The following INTS6 variants were observed in gnomAD, a reference collection of about 807,000 sequenced individuals.
INTS6 encodes the protein integrator complex subunit 6.
Under a neutral mutation model 104.9 loss-of-function variants are expected in INTS6, and 16 were observed. The observed-to-expected ratio is 0.15, with a 90% CI of 0.10 to 0.23. The LOEUF (loss-of-function observed/expected upper bound fraction) is 0.23. Among genes scored for constraint, INTS6 ranks in the 10% least tolerant of loss-of-function variants. The pLI is 1.00. For missense variants in INTS6, 584 were observed against 1,062.8 expected (o/e 0.55, Z 6.26); for synonymous variants, 324 against 358.7 (o/e 0.90, Z 1.09).
At chr13:51,398,204 G>A (rs1208902939) in intron 4 of INTS6, among the ~76,000 whole-genome samples, 1 of 152,018 alleles carries the variant, frequency 6.6e-6, no homozygotes, top group East Asian at 1.9e-4. Flanking sequence ...AATCTCAGGA[G>A]GATTGACTTA....
chr13:51,342,484 A>G, the INTS6 span, among the ~76,000 whole-genome samples: 1 of 152,240 alleles, frequency 6.6e-6, no homozygotes, highest in African/African-American at 2.4e-5. Flanking sequence ...GAACACAGTC[A>G]ACCTCCGGCA....
Position 51,452,384 on chromosome 13 carries a change from G to T in INTS6, c.111+31C>A, listed in dbSNP as rs771070928. 8.9e-5 allele frequency: 136 copies of T among 1,527,524 alleles called. No individual in the cohort carries two copies. The highest frequency in any genetic ancestry group is 1.1e-4 in the Non-Finnish European group (130 of 1,137,418). 94.6% of individuals were successfully genotyped at this position (1,527,524 alleles called of 1,614,324 possible). ...CTGCCGCCCGCGGGCCGCCGGGCCG[G>T]GGTCGCCGCCCGGGCTCGGTCAGTC... On this transcript the variant is annotated intron_variant, in intron 1 of 17. Transcript: ENST00000311234. The surrounding 1 kb of genome is among the most constrained non-coding windows in gnomAD (Gnocchi z 4.2).
At chr13:51,418,001 CCTTA>C (rs1266975793) in intron 4 of INTS6, among the ~76,000 whole-genome samples, 2 of 152,124 alleles carry the variant, frequency 1.3e-5, no homozygotes, top group Admixed American at 6.5e-5. Flanking sequence ...TAGAAATCAG[CCTTA>C]CTAAGACATT....
the INTS6 span, chr13:51,339,752 G>A: frequency 6.6e-6 from 1 of 152,250 alleles, no homozygotes; most frequent in Admixed American, 6.5e-5. Context: ...CTGTGAGTAC[G>A]TGGCTCATTC....
rs1247942886 is a variant in INTS6, at chr13:51,374,252, G to A, written c.2060C>T (p.Thr687Ile). 6.2e-7 allele frequency: 1 copy of A among 1,614,052 alleles called. No individual in the cohort carries two copies. The highest frequency in any genetic ancestry group is 1.7e-5 in the Admixed American group (1 of 60,028). Reference protein sequence around the residue: ...IGGKGPPAPTTQAQPDLIKPL... With the variant: ...IGGKGPPAPTIQAQPDLIKPL... ...TTTAATAAGATCTGGCTGTGCTTGA[G>A]TTGTAGGTGCAGGTGGTCCTTTTCC... Residue 687 changes from threonine (T) to isoleucine (I), a missense_variant, in exon 15 of 18, where the codon ACT becomes ATT. Around this residue, in one of 5 missense-constraint regions of INTS6, gnomAD observed 296 missense variants for 437.0 expected, o/e 0.68. Transcript: ENST00000311234.
At chr13:51,427,724 T>A (rs548370905) in intron 4 of INTS6, among the ~76,000 whole-genome samples, 1 of 152,280 alleles carries the variant, frequency 6.6e-6, no homozygotes, top group East Asian at 1.9e-4. Context: ...GCAACGGTAA[T>A]CAATTTTGAA....
chr13:51,407,732 A>G (rs1025682960), intron 4 of INTS6, among the ~76,000 whole-genome samples: 9 of 152,166 alleles, frequency 5.9e-5, no homozygotes, highest in Admixed American at 1.3e-4. Flanking sequence ...TACATACACC[A>G]TAAGAGTGTT....
At chr13:51,383,955 T>C (rs894562109) in intron 7 of INTS6, 2 of 353,642 alleles carry the variant, frequency 5.7e-6, no homozygotes, top group Non-Finnish European at 1.0e-5. Flanking sequence ...TGAAAATCTA[T>C]AGAAATGAAA....
At chr13:51,413,415 A>T (rs1000340859) in intron 4 of INTS6, among the ~76,000 whole-genome samples, 2 of 152,154 alleles carry the variant, frequency 1.3e-5, no homozygotes, top group African/African-American at 4.8e-5. Flanking sequence ...ATTGTGATAG[A>T]GAATAATAAA....
chr13:51,419,787 A>G (rs1032233318), intron 4 of INTS6, among the ~76,000 whole-genome samples: 2 of 152,182 alleles, frequency 1.3e-5, no homozygotes, highest in African/African-American at 2.4e-5. Flanking sequence ...GGAAAAATCA[A>G]TTCCATAAAG....
At chr13:51,366,120 C>CA (rs532318053) in intron 17 of INTS6, among the ~76,000 whole-genome samples, 3 of 151,528 alleles carry the variant, frequency 2.0e-5, no homozygotes, top group Non-Finnish European at 4.4e-5. Flanking sequence ...AAAAAACAAA[C>CA]AAAAAAACAA....
the INTS6 span, among the ~76,000 whole-genome samples, chr13:51,342,076 C>T: frequency 1.3e-5 from 2 of 151,422 alleles, no homozygotes; most frequent in Non-Finnish European, 2.9e-5. Context: ...AGCTCAATGC[C>T]TGGCCTCAGA....
the INTS6 span, chr13:51,341,300 G>A: frequency 9.3e-6 from 15 of 1,613,044 alleles, no homozygotes; most frequent in Admixed American, 2.2e-4. Flanking sequence ...GGAGCAGAAG[G>A]GAGCACTGGT....
At chr13:51,346,970 C>T in the INTS6 span, 15 of 1,317,800 alleles carry the variant, frequency 1.1e-5, no homozygotes, top group Middle Eastern at 3.9e-4. Context: ...ACACTGGGTT[C>T]GGTTCAGTTT....
chr13:51,438,158 T>C (rs1278326426), intron 3 of INTS6: 5 of 152,228 alleles, frequency 3.3e-5, no homozygotes, highest in Admixed American at 2.0e-4. Context: ...CAAATTTCTC[T>C]AAATCCATTA....
intron 3 of INTS6, among the ~76,000 whole-genome samples, chr13:51,435,443 T>A (rs1308130640): frequency 6.6e-6 from 1 of 152,020 alleles, no homozygotes; most frequent in South Asian, 2.1e-4. Flanking sequence ...TAAAATTTCC[T>A]ATTATAGTTC....
At chr13:51,387,364 A>T in intron 7 of INTS6, 22 bp downstream of exon 7, 1 of 1,587,162 alleles carries the variant, frequency 6.3e-7, no homozygotes, top group Non-Finnish European at 8.6e-7. Flanking sequence ...ACTATTACAT[A>T]GTTACAGTCT....
chr13:51,335,527 G>A, the INTS6 span, among the ~76,000 whole-genome samples: 1 of 152,206 alleles, frequency 6.6e-6, no homozygotes, highest in Non-Finnish European at 1.5e-5. Context: ...GGGTGTAGAA[G>A]GATGTAGATG....
At chr13:51,382,295 A>G (rs1001672992) in intron 9 of INTS6, among the ~76,000 whole-genome samples, 172 bp from the exon 10 acceptor site, 1 of 152,258 alleles carries the variant, frequency 6.6e-6, no homozygotes, top group Non-Finnish European at 1.5e-5. Flanking sequence ...TATAAAATGA[A>G]AAGATGCCAA....
Sources: gnomAD v4.1 joint callset for allele counts (sites outside exome capture counted in the v4.1 genomes callset) on GRCh38, gnomAD v4.1.1 for gene constraint, gnomAD v4.1.1 regional missense constraint, Gnocchi (gnomAD v3.1) non-coding constraint, MANE v1.5 for transcripts, NCBI Gene and HGNC (gene_info 2026-07-23, HGNC 2026-07-21) for gene names.